RORA: variants seen among roughly 807,000 people sequenced by gnomAD.
RORA encodes the protein RAR related orphan receptor A, also known as nuclear receptor ROR-alpha.
Under a neutral mutation model 69.5 loss-of-function variants are expected in RORA, and 7 were observed. The observed-to-expected ratio is 0.10, with a 90% confidence interval of 0.06 to 0.19. The LOEUF (loss-of-function observed/expected upper bound fraction) is 0.19. RORA is among the 10% of genes least tolerant of loss of function. The pLI is 1.00. For missense variants in RORA, 457 were observed against 663.0 expected (o/e 0.69, Z 3.41); for synonymous variants, 261 against 240.8 (o/e 1.08, Z -0.78).
chr15:61,156,370 C>A (rs570896121), intron 1 of RORA, among the ~76,000 whole-genome samples: 5 of 152,140 alleles, frequency 3.3e-5, no homozygotes, highest in Admixed American at 6.5e-5. Context: ...TGAGTTGTTT[C>A]TTTTAATCAG....
intron 1 of RORA, among the ~76,000 whole-genome samples, chr15:60,691,161 C>T (rs920886127): frequency 3.3e-5 from 5 of 152,228 alleles, no homozygotes; most frequent in Admixed American, 1.3e-4. Flanking sequence ...TCCACTTCTC[C>T]GCAGGTCTCC....
chr15:61,122,702 G>C (rs959670980), intron 1 of RORA, among the ~76,000 whole-genome samples: 2 of 152,040 alleles, frequency 1.3e-5, no homozygotes, highest in African/African-American at 4.8e-5. Context: ...TTTAAGACAG[G>C]TGTCTGGAAT....
intron 2 of RORA, among the ~76,000 whole-genome samples, chr15:60,608,152 G>A (rs1299226735): frequency 6.6e-6 from 1 of 152,184 alleles, no homozygotes; most frequent in Non-Finnish European, 1.5e-5. Context: ...AATTTTCTCG[G>A]CTCCTGCATA....
At chr15:60,552,627 A>G (rs190185089) in intron 2 of RORA, among the ~76,000 whole-genome samples, 115 of 152,344 alleles carry the variant, frequency 7.5e-4, no homozygotes, top group African/African-American at 2.7e-3. Context: ...GAGTGGAATG[A>G]AAGGGTTATT....
At chr15:61,161,420 G>T (rs1167256374) in intron 1 of RORA, among the ~76,000 whole-genome samples, 2 of 152,190 alleles carry the variant, frequency 1.3e-5, no homozygotes, top group African/African-American at 4.8e-5. Flanking sequence ...AGCTACCTGG[G>T]CAAGTGCTGA....
intron 1 of RORA, among the ~76,000 whole-genome samples, chr15:60,926,492 G>A (rs1892222788): frequency 6.6e-6 from 1 of 152,216 alleles, no homozygotes; most frequent in Non-Finnish European, 1.5e-5. Context: ...ACTTCCCAGT[G>A]AAACAGAACA....
At chr15:60,684,581 C>A (rs913706992) in intron 1 of RORA, among the ~76,000 whole-genome samples, 2 of 152,194 alleles carry the variant, frequency 1.3e-5, no homozygotes, top group African/African-American at 4.8e-5. Flanking sequence ...CACGCCACTG[C>A]ACTCCAGCCT....
intron 1 of RORA, among the ~76,000 whole-genome samples, chr15:60,909,999 T>C (rs1426478219): frequency 1.3e-5 from 2 of 152,218 alleles, no homozygotes; most frequent in East Asian, 3.8e-4. Flanking sequence ...AAAATCTATA[T>C]GTGCCCTTCA....
intron 1 of RORA, among the ~76,000 whole-genome samples, chr15:61,059,910 A>T (rs1229269736): frequency 0.013 from 38 of 2,906 alleles, 1 homozygote; most frequent in Admixed American, 0.042. Context: ...TTCCACACGA[A>T]GAAGAAGAAG....
At chr15:60,592,459 G>C in intron 2 of RORA, 2 of 1,391,136 alleles carry the variant, frequency 1.4e-6, no homozygotes, top group South Asian at 1.6e-5. Context: ...CGGATGGTCC[G>C]ACCCCGGAGC....
At chr15:61,127,334 A>ACTATTAAACAAATTT (rs1176817994) in intron 1 of RORA, among the ~76,000 whole-genome samples, 1 of 152,208 alleles carries the variant, frequency 6.6e-6, no homozygotes, top group Non-Finnish European at 1.5e-5. Flanking sequence ...CCTCATGCAG[A>ACTATTAAACAAATTT]CTATTAAACA....
At chr15:60,797,558 G>A (rs2072516013) in intron 1 of RORA, among the ~76,000 whole-genome samples, 1 of 152,184 alleles carries the variant, frequency 6.6e-6, no homozygotes, top group Non-Finnish European at 1.5e-5. Flanking sequence ...TTAAAACCGT[G>A]AAATTAGTTC....
rs550709454 is a variant in RORA at position 60,632,320 on chromosome 15, G to T, written c.196+46337C>A. 2.6e-5 allele frequency among the ~76,000 whole-genome samples: 4 copies of T among 152,002 alleles called. No homozygotes were observed. The East Asian group carries it at 7.8e-4, about 29-fold the overall frequency. On this transcript the variant is annotated intron_variant, in intron 2 of 10. Transcript: ENST00000335670. Reference sequence around the variant, plus strand: ...ACGGGGGTTTCACCGTGTTAGCCAGGATGGTCTCGATCTCCTGACCTCGTG... The same window carrying T: ...ACGGGGGTTTCACCGTGTTAGCCAGTATGGTCTCGATCTCCTGACCTCGTG...
intron 1 of RORA, among the ~76,000 whole-genome samples, chr15:60,932,646 G>A (rs1892408253): frequency 6.6e-6 from 1 of 152,150 alleles, no homozygotes; most frequent in African/African-American, 2.4e-5. Context: ...GGCGGGGTGG[G>A]TAACTGGTTG....
intron 2 of RORA, among the ~76,000 whole-genome samples, chr15:60,631,546 G>A (rs2069736954): frequency 1.3e-5 from 2 of 152,166 alleles, no homozygotes; most frequent in Admixed American, 1.3e-4. Context: ...CGGAGAGGTT[G>A]CTGACACTAC....
intron 2 of RORA, among the ~76,000 whole-genome samples, chr15:60,597,580 A>G (rs1596036258): frequency 5.1e-5 from 1 of 19,508 alleles, no homozygotes; most frequent in Non-Finnish European, 8.8e-5. Flanking sequence ...ATATACACAT[A>G]TATATATATA....
intron 1 of RORA, among the ~76,000 whole-genome samples, chr15:60,760,309 G>A (rs1258701661): frequency 1.3e-5 from 2 of 152,144 alleles, no homozygotes; most frequent in African/African-American, 4.8e-5. Flanking sequence ...ATTTGCTAAC[G>A]AAGGGAGCAT....
intron 2 of RORA, among the ~76,000 whole-genome samples, chr15:60,617,203 T>A (rs2069267766): frequency 6.6e-6 from 1 of 152,302 alleles, no homozygotes; most frequent in African/African-American, 2.4e-5. Context: ...ACAGAACCCA[T>A]CACAGTGCCT....
At chr15:60,947,844 G>A (rs530234254) in intron 1 of RORA, among the ~76,000 whole-genome samples, 6 of 152,272 alleles carry the variant, frequency 3.9e-5, no homozygotes, top group African/African-American at 1.4e-4. Context: ...GGGAAGAGTT[G>A]CAGCAGTAAT....
Sources: gnomAD v4.1 joint callset for allele counts (sites outside exome capture counted in the v4.1 genomes callset) on GRCh38, gnomAD v4.1.1 for gene constraint, MANE v1.5 for transcripts, NCBI Gene and HGNC (gene_info 2026-07-23, HGNC 2026-07-21) for gene names.